Variants in ALOX5AP observed in about 807,000 individuals in gnomAD.
ALOX5AP encodes arachidonate 5-lipoxygenase-activating protein.
A neutral mutation model predicts 18.5 loss-of-function variants in ALOX5AP; 9 were observed. That is an observed-to-expected ratio of 0.49 (90% CI 0.29 to 0.85). The LOEUF (loss-of-function observed/expected upper bound fraction) is 0.85, where lower values mean the gene tolerates loss of function less well. ALOX5AP is among the 40% of genes least tolerant of loss of function. ALOX5AP has a pLI of 0.08. For synonymous variants in ALOX5AP, 81 were observed against 78.6 expected (o/e 1.03, Z -0.16); for missense variants, 172 against 202.5 (o/e 0.85, Z 0.91).
At chr13:30,741,285 A>G (rs1951762031) in intron 1 of ALOX5AP, among the ~76,000 whole-genome samples, 1 of 143,780 alleles carries the variant, frequency 7.0e-6, no homozygotes, top group Non-Finnish European at 1.5e-5. Flanking sequence ...TTTTTTTTGT[A>G]TTTTTTAGTA....
At chr13:30,751,645 T>C (rs1349490830) in intron 2 of ALOX5AP, among the ~76,000 whole-genome samples, 1 of 152,212 alleles carries the variant, frequency 6.6e-6, no homozygotes, top group Non-Finnish European at 1.5e-5. Context: ...TTTGTGGATC[T>C]GATAGAAAAG....
At chr13:30,740,187 G>A (rs1374553732) in intron 1 of ALOX5AP, among the ~76,000 whole-genome samples, 1 of 152,222 alleles carries the variant, frequency 6.6e-6, no homozygotes, top group Non-Finnish European at 1.5e-5. Flanking sequence ...GACTCTGTTA[G>A]AATAATCTAC....
At chr13:30,752,236 A>T in intron 3 of ALOX5AP, 114 bp downstream of exon 3, 1 of 1,113,684 alleles carries the variant, frequency 9.0e-7, no homozygotes, top group Non-Finnish European at 1.3e-6. Flanking sequence ...CCCATCTGTG[A>T]AGCCCTGGAG....
intron 2 of ALOX5AP, among the ~76,000 whole-genome samples, chr13:30,749,500 G>A (rs1951835161): frequency 6.6e-6 from 1 of 152,154 alleles, no homozygotes; most frequent in Non-Finnish European, 1.5e-5. Context: ...TCAGTCCTGA[G>A]GCTGCAATTT....
At chr13:30,736,742 C>T (rs771358965) in intron 1 of ALOX5AP, among the ~76,000 whole-genome samples, 5 of 152,218 alleles carry the variant, frequency 3.3e-5, no homozygotes, top group Non-Finnish European at 7.3e-5. Context: ...ATGTTTTCTA[C>T]AAGAACTACA....
At chr13:30,719,754 C>T (rs189226752) in intron 1 of ALOX5AP, among the ~76,000 whole-genome samples, 182 of 152,250 alleles carry the variant, frequency 1.2e-3, no homozygotes, top group African/African-American at 3.8e-3. Flanking sequence ...CAGGATATTC[C>T]GCTGAAAAAC....
chr13:30,713,564 C>T (rs1951525792), exon 1 of ALOX5AP: 2 of 608,154 alleles, frequency 3.3e-6, no homozygotes, highest in South Asian at 2.0e-5. Flanking sequence ...GGAGGGGCAG[C>T]TCTGCATGGC....
chr13:30,731,194 A>G (rs1951678091), upstream of ALOX5AP, among the ~76,000 whole-genome samples: 1 of 152,120 alleles, frequency 6.6e-6, no homozygotes, highest in Non-Finnish European at 1.5e-5. Flanking sequence ...GCCATTGCTC[A>G]GTGCTTTAGC....
chr13:30,729,955 G>T (rs113639173), intron 1 of ALOX5AP, among the ~76,000 whole-genome samples: 1 of 152,214 alleles, frequency 6.6e-6, no homozygotes, highest in Non-Finnish European at 1.5e-5. Context: ...ACGTACAAAT[G>T]CATAAGCAAT....
At chr13:30,762,312 G>A (rs1951948276) in intron 4 of ALOX5AP, among the ~76,000 whole-genome samples, 2 of 152,138 alleles carry the variant, frequency 1.3e-5, no homozygotes, top group Admixed American at 6.5e-5. Flanking sequence ...GAGTTGGCTG[G>A]GCGTGGTGGC....
At chr13:30,759,557 C>T (rs1267067500) in intron 4 of ALOX5AP, among the ~76,000 whole-genome samples, 1 of 152,192 alleles carries the variant, frequency 6.6e-6, no homozygotes, top group African/African-American at 2.4e-5. Flanking sequence ...GAGCCAGGGG[C>T]ACATTGCAAG....
chr13:30,714,146 G>A (rs1412528461), intron 1 of ALOX5AP, among the ~76,000 whole-genome samples: 2 of 150,616 alleles, frequency 1.3e-5, no homozygotes, highest in African/African-American at 4.9e-5. Context: ...TCCTAGCCCT[G>A]GCTCTTTAGA....
At chr13:30,713,741 C>T in exon 1 of ALOX5AP, 1 of 1,533,614 alleles carries the variant, frequency 6.5e-7, no homozygotes, top group African/African-American at 1.4e-5. Context: ...CACATTTAAT[C>T]ACGATGCTCC....
chr13:30,759,033 G>T (rs1206641298), intron 4 of ALOX5AP, among the ~76,000 whole-genome samples: 1 of 152,164 alleles, frequency 6.6e-6, no homozygotes, highest in Non-Finnish European at 1.5e-5. Flanking sequence ...TGGCCAGGCT[G>T]GTCTCGAACT....
At chr13:30,715,616 A>G (rs1566076972) in intron 1 of ALOX5AP, among the ~76,000 whole-genome samples, 1 of 152,196 alleles carries the variant, frequency 6.6e-6, no homozygotes, top group Non-Finnish European at 1.5e-5. Flanking sequence ...TCCCCAGGAA[A>G]TGGCCCCAGC....
chr13:30,713,980 T>G (rs535054840), intron 1 of ALOX5AP: 1 of 891,064 alleles, frequency 1.1e-6, no homozygotes, highest in African/African-American at 1.7e-5. Context: ...GCAGCTAGAG[T>G]GGCCCCAGGA....
intron 2 of ALOX5AP, among the ~76,000 whole-genome samples, chr13:30,746,387 A>G (rs114327618): frequency 1.5e-3 from 234 of 152,350 alleles, no homozygotes; most frequent in African/African-American, 5.2e-3. Flanking sequence ...AAAGGTAGGA[A>G]CTAAGCAGGC....
At chr13:30,731,095 G>A (rs1951677422), upstream of ALOX5AP, among the ~76,000 whole-genome samples, 1 of 152,212 alleles carries the variant, frequency 6.6e-6, no homozygotes, top group Admixed American at 6.5e-5. Flanking sequence ...TTTGCTAACG[G>A]TCAGATGTCG....
At chr13:30,734,005 C>G (rs1220762600), upstream of ALOX5AP, among the ~76,000 whole-genome samples, 1 of 152,198 alleles carries the variant, frequency 6.6e-6, no homozygotes, top group Admixed American at 6.5e-5. Flanking sequence ...CCACCAGCAG[C>G]TTTTCTGAGT....
Sources: allele counts gnomAD v4.1 joint callset (sites outside exome capture counted in the v4.1 genomes callset), GRCh38; gene constraint gnomAD v4.1.1; transcripts MANE v1.5; gene names NCBI Gene and HGNC (gene_info 2026-07-23, HGNC 2026-07-21).